PCDH11X: variants seen among roughly 807,000 people sequenced by gnomAD.
PCDH11X encodes the protein protocadherin 11 X-linked, also known as protocadherin-11 X-linked.
PCDH11X carries 18 observed loss-of-function variants against 53.3 expected under a neutral mutation model. That is an observed-to-expected ratio of 0.34 (90% CI 0.23 to 0.50). The LOEUF (loss-of-function observed/expected upper bound fraction) is 0.50, where lower values mean the gene tolerates loss of function less well. PCDH11X is among the 20% of genes least tolerant of loss of function. The probability of loss-of-function intolerance (pLI) is 0.98; values close to 1 mark genes in which losing one functional copy is unlikely to be tolerated. For missense variants in PCDH11X, 570 were observed against 1,032.4 expected (o/e 0.55, Z 6.14); for synonymous variants, 279 against 393.3 (o/e 0.71, Z 3.44).
At position 91,851,851 on chromosome X, in the gene PCDH11X, C is replaced by G. The variant is rs1216953939; in HGVS notation, c.540+15807C>G. Among the ~76,000 whole-genome samples the G allele has an allele frequency of 2.7e-5, 3 of 110,453 alleles. No homozygotes were observed. In the Admixed American group the frequency reaches 2.9e-4, roughly 11 times the overall value. ...TTTCAGGCCCTACTTCCATTGGTAA[C>G]AAATAGAAACTGGTTTGCTGCTATT... On this transcript the variant is annotated intron_variant, in intron 5 of 10. Coordinates refer to ENST00000682573, the MANE Select transcript of PCDH11X (RefSeq NM_032968.5).
chrX:92,220,614 G>T (rs1163862495), intron 7 of PCDH11X, among the ~76,000 whole-genome samples: 1 of 110,703 alleles, frequency 9.0e-6, no homozygotes, highest in Non-Finnish European at 1.9e-5. Flanking sequence ...CTGCAAACTA[G>T]TTCAACCATT....
At chrX:91,843,962 C>A (rs1937573214) in intron 5 of PCDH11X, among the ~76,000 whole-genome samples, 2 of 110,658 alleles carry the variant, frequency 1.8e-5, no homozygotes, top group Admixed American at 1.9e-4. Flanking sequence ...CAATTCCTCT[C>A]CTATATAATA....
At chrX:92,053,046 C>T (rs1410474141) in intron 6 of PCDH11X, among the ~76,000 whole-genome samples, 3 of 111,731 alleles carry the variant, frequency 2.7e-5, no homozygotes, top group Non-Finnish European at 3.8e-5. Flanking sequence ...ATGTAAAACA[C>T]GTCTTTTATT....
chrX:92,329,943 T>G (rs2069423215), intron 8 of PCDH11X, among the ~76,000 whole-genome samples: 1 of 111,050 alleles, frequency 9.0e-6, no homozygotes, highest in Non-Finnish European at 1.9e-5. Flanking sequence ...CACTCAACAA[T>G]AATTTATTGC....
At chrX:92,111,452 A>G (rs73539447) in intron 6 of PCDH11X, among the ~76,000 whole-genome samples, 6,362 of 109,140 alleles carry the variant, frequency 0.058, 480 homozygotes, top group African/African-American at 0.2. Context: ...TCTTAAATAA[A>G]AATGTAATGC....
chrX:92,306,437 G>A (rs1245377185), intron 8 of PCDH11X, among the ~76,000 whole-genome samples: 1 of 108,678 alleles, frequency 9.2e-6, no homozygotes, highest in Non-Finnish European at 1.9e-5. Context: ...CTATCCATGA[G>A]ATTAAGAATT....
At chrX:91,873,598 C>T (rs1213903282) in intron 5 of PCDH11X, among the ~76,000 whole-genome samples, 5 of 110,592 alleles carry the variant, frequency 4.5e-5, no homozygotes, top group Admixed American at 1.9e-4. Context: ...CACAAGCTTG[C>T]CTTAATTTGC....
intron 6 of PCDH11X, among the ~76,000 whole-genome samples, chrX:92,021,928 T>C (rs1340977248): frequency 9.2e-6 from 1 of 108,791 alleles, no homozygotes; most frequent in Non-Finnish European, 1.9e-5. Context: ...CTAAGCTTCA[T>C]AGGCAAAGGA....
At chrX:92,605,707 A>G in intron 10 of PCDH11X, among the ~76,000 whole-genome samples, 1 of 112,215 alleles carries the variant, frequency 8.9e-6, no homozygotes, top group Middle Eastern at 4.7e-3. Flanking sequence ...AAAAATTAAG[A>G]GAATCTCATT....
chrX:92,222,051 C>T (rs1184772932), intron 7 of PCDH11X, among the ~76,000 whole-genome samples: 1 of 111,105 alleles, frequency 9.0e-6, no homozygotes, highest in Admixed American at 9.6e-5. Context: ...TCAGGCTGGT[C>T]TTGAACTCCT....
At chrX:91,787,720 A>T (rs1356013706) in intron 1 of PCDH11X, among the ~76,000 whole-genome samples, 2 of 110,194 alleles carry the variant, frequency 1.8e-5, no homozygotes, top group African/African-American at 6.6e-5. Flanking sequence ...ACCATCAATA[A>T]CTAAAAACCT....
chrX:91,930,159 G>T (rs1363476786), intron 6 of PCDH11X, among the ~76,000 whole-genome samples: 30 of 108,385 alleles, frequency 2.8e-4, no homozygotes, highest in Non-Finnish European at 4.4e-4. Context: ...GTTAGATCTA[G>T]CCCAAATGTC....
chrX:92,132,675 G>GTATATATATATGTATATATA (rs1428481232), intron 6 of PCDH11X, among the ~76,000 whole-genome samples: 2 of 49,485 alleles, frequency 4.0e-5, no homozygotes, highest in African/African-American at 1.1e-4. Flanking sequence ...ATATGTATAT[G>GTATATATATATGTATATATA]TATATATATA....
chrX:92,318,041 C>T (rs1348541328), intron 8 of PCDH11X, among the ~76,000 whole-genome samples: 8 of 110,685 alleles, frequency 7.2e-5, no homozygotes, highest in African/African-American at 9.8e-5. Context: ...TTTGTTGTTT[C>T]TTAGCTTCTT....
At chrX:92,068,703 C>T (rs1164275126) in intron 6 of PCDH11X, among the ~76,000 whole-genome samples, 1 of 109,046 alleles carries the variant, frequency 9.2e-6, no homozygotes, top group Non-Finnish European at 1.9e-5. Context: ...CCACGCCTGG[C>T]TGATTTTTGT....
intron 8 of PCDH11X, among the ~76,000 whole-genome samples, chrX:92,263,919 G>A (rs1392055188): frequency 8.9e-6 from 1 of 112,014 alleles, no homozygotes; most frequent in Non-Finnish European, 1.9e-5. Context: ...TTCTTATTAT[G>A]TTTTGAGGTT....
intron 4 of PCDH11X, among the ~76,000 whole-genome samples, chrX:91,823,350 G>T (rs1445327297): frequency 4.1e-4 from 45 of 110,640 alleles, no homozygotes; most frequent in Middle Eastern, 4.6e-3. Context: ...TTATGAATCT[G>T]GGTGCTCCTG....
intron 6 of PCDH11X, among the ~76,000 whole-genome samples, chrX:91,911,781 T>A (rs1381256983): frequency 9.0e-6 from 1 of 110,824 alleles, no homozygotes; most frequent in East Asian, 2.8e-4. Context: ...TCTCTTGTGG[T>A]TCTATATACA....
intron 6 of PCDH11X, among the ~76,000 whole-genome samples, chrX:92,089,840 C>A (rs1240319506): frequency 2.7e-5 from 3 of 109,265 alleles, no homozygotes; most frequent in Admixed American, 1.0e-4. Flanking sequence ...GTTTTTTAAA[C>A]CTTTTCTGCT....
Sources: allele counts gnomAD v4.1 joint callset (sites outside exome capture counted in the v4.1 genomes callset), GRCh38; gene constraint gnomAD v4.1.1; transcripts MANE v1.5; gene names NCBI Gene and HGNC (gene_info 2026-07-23, HGNC 2026-07-21).